Variants in GPC5 observed in about 807,000 individuals in gnomAD.
GPC5 encodes glypican-5.
In GPC5, 47 loss-of-function variants were observed where a neutral mutation model predicts 53.9. The observed-to-expected ratio is 0.87, with a 90% CI of 0.69 to 1.11. The LOEUF (loss-of-function observed/expected upper bound fraction) is 1.11. Ranked by LOEUF, GPC5 falls within the 50% of genes most tolerant of loss-of-function variation. The pLI, the probability that GPC5 is intolerant of heterozygous loss-of-function variation, is 0.00. For synonymous variants in GPC5, 286 were observed against 263.3 expected, an observed-to-expected ratio of 1.09 and a Z score of -0.84; for missense variants, 748 against 713.1, an observed-to-expected ratio of 1.05 and a Z score of -0.56.
At chr13:92,410,649 A>G (rs886936363) in intron 7 of GPC5, among the ~76,000 whole-genome samples, 1 of 152,220 alleles carries the variant, frequency 6.6e-6, no homozygotes, top group Non-Finnish European at 1.5e-5. Context: ...AACTGTTGTG[A>G]TGCAAAAGGA....
At chr13:92,216,164 C>T (rs557345597) in intron 7 of GPC5, among the ~76,000 whole-genome samples, 17 of 152,344 alleles carry the variant, frequency 1.1e-4, no homozygotes, top group African/African-American at 4.1e-4. Flanking sequence ...TTATCCTCCA[C>T]TGTCACTGGT....
chr13:92,223,005 T>G (rs2042460471), intron 7 of GPC5, among the ~76,000 whole-genome samples: 1 of 152,152 alleles, frequency 6.6e-6, no homozygotes. Flanking sequence ...GTAGTATTTA[T>G]AGATTTTTTA....
intron 2 of GPC5, among the ~76,000 whole-genome samples, chr13:91,582,750 C>T (rs954354048): frequency 2.6e-5 from 4 of 152,232 alleles, no homozygotes; most frequent in South Asian, 2.1e-4. Flanking sequence ...CGGTGGTTCA[C>T]GCCTGTAATC....
intron 7 of GPC5, among the ~76,000 whole-genome samples, chr13:92,632,485 T>TATATATATATATACAC (rs138355646): frequency 7.3e-6 from 1 of 137,646 alleles, no homozygotes; most frequent in Non-Finnish European, 1.5e-5. Context: ...TATATATATA[T>TATATATATATATACAC]ACACATATAT....
chr13:92,068,007 A>G (rs1214924774), intron 6 of GPC5, among the ~76,000 whole-genome samples: 4 of 151,958 alleles, frequency 2.6e-5, no homozygotes, highest in African/African-American at 7.2e-5. Flanking sequence ...AGAGGGAGAG[A>G]GAAAGATTTG....
intron 6 of GPC5, among the ~76,000 whole-genome samples, chr13:91,942,149 A>T (rs2039933286): frequency 6.6e-6 from 1 of 152,112 alleles, no homozygotes; most frequent in Non-Finnish European, 1.5e-5. Context: ...ATAGATCTCT[A>T]CAAAGTTATA....
intron 7 of GPC5, among the ~76,000 whole-genome samples, chr13:92,411,879 T>G (rs1225452145): frequency 8.7e-6 from 1 of 114,304 alleles, no homozygotes; most frequent in African/African-American, 3.3e-5. Context: ...ACCGTTATCT[T>G]TCTATTAGGT....
intron 7 of GPC5, among the ~76,000 whole-genome samples, chr13:92,205,336 A>G (rs2042326181): frequency 6.6e-6 from 1 of 152,018 alleles, no homozygotes; most frequent in Non-Finnish European, 1.5e-5. Flanking sequence ...TACCTATCTG[A>G]TTTTACTTGG....
At chr13:91,759,075 A>G (rs1213916802) in intron 5 of GPC5, among the ~76,000 whole-genome samples, 2 of 152,070 alleles carry the variant, frequency 1.3e-5, no homozygotes, top group African/African-American at 4.8e-5. Flanking sequence ...CAGAAGCATT[A>G]TTTAATTCCC....
intron 7 of GPC5, among the ~76,000 whole-genome samples, chr13:92,427,915 C>T (rs1415578059): frequency 6.6e-6 from 1 of 151,908 alleles, no homozygotes; most frequent in Non-Finnish European, 1.5e-5. Context: ...ATTGTTTTAG[C>T]AAAACATAGA....
intron 7 of GPC5, chr13:92,240,787 A>G (rs2042606459): frequency 6.6e-6 from 1 of 152,236 alleles, no homozygotes; most frequent in South Asian, 2.1e-4. Flanking sequence ...TACAGATGTG[A>G]GTCACCATGC....
intron 4 of GPC5, among the ~76,000 whole-genome samples, chr13:91,747,318 CAGG>C (rs535157368): frequency 5.4e-4 from 82 of 152,234 alleles, no homozygotes; most frequent in Admixed American, 4.4e-3. Flanking sequence ...CGTGATGTAT[CAGG>C]AGACCTTTCT....
intron 2 of GPC5, among the ~76,000 whole-genome samples, chr13:91,680,251 C>T (rs2035476335): frequency 6.6e-6 from 1 of 152,144 alleles, no homozygotes; most frequent in Non-Finnish European, 1.5e-5. Flanking sequence ...GCGTTCTAGA[C>T]CAGCTTGGCC....
At chr13:91,985,206 G>A (rs1477467523) in intron 6 of GPC5, among the ~76,000 whole-genome samples, 1 of 152,120 alleles carries the variant, frequency 6.6e-6, no homozygotes, top group Non-Finnish European at 1.5e-5. Flanking sequence ...GTTGTAAAGA[G>A]GCCAGTTTAT....
intron 2 of GPC5, among the ~76,000 whole-genome samples, chr13:91,458,445 C>G (rs189575759): frequency 1.5e-3 from 232 of 152,126 alleles, no homozygotes; most frequent in Non-Finnish European, 2.9e-3. Context: ...ACAAGGATGC[C>G]CACTTTCACC....
chr13:91,936,601 C>A (rs2039873612), intron 6 of GPC5, among the ~76,000 whole-genome samples: 1 of 151,990 alleles, frequency 6.6e-6, no homozygotes, highest in East Asian at 1.9e-4. Context: ...TTCAGTCTAC[C>A]ACATAAGGGG....
chr13:91,965,558 A>G (rs891559404), intron 6 of GPC5, among the ~76,000 whole-genome samples: 2 of 152,204 alleles, frequency 1.3e-5, no homozygotes, highest in Admixed American at 1.3e-4. Context: ...TTTAAAGAAG[A>G]AAAGGACACA....
chr13:92,305,346 C>A (rs1231503646), intron 7 of GPC5, among the ~76,000 whole-genome samples: 2 of 151,936 alleles, frequency 1.3e-5, no homozygotes, highest in African/African-American at 2.4e-5. Flanking sequence ...TATATAGACT[C>A]TGAGGAAAAA....
At chr13:92,716,184 C>CTAA in intron 7 of GPC5, among the ~76,000 whole-genome samples, 1 of 152,062 alleles carries the variant, frequency 6.6e-6, no homozygotes, top group Non-Finnish European at 1.5e-5. Flanking sequence ...CAATCTGGTG[C>CTAA]TAATAATAAC....
Sources: gnomAD v4.1 joint callset for allele counts (sites outside exome capture counted in the v4.1 genomes callset) on GRCh38, gnomAD v4.1.1 for gene constraint, MANE v1.5 for transcripts, NCBI Gene and HGNC (gene_info 2026-07-23, HGNC 2026-07-21) for gene names.